MYOF: variants seen among roughly 807,000 people sequenced by gnomAD.
MYOF encodes fer-1-like 3, myoferlin.
Under a neutral mutation model 284.2 loss-of-function variants are expected in MYOF, and 244 were observed. The ratio of observed to expected loss-of-function variants is 0.86; its 90% confidence interval spans 0.77 to 0.95. The LOEUF is 0.95. MYOF is among the 40% of genes least tolerant of loss of function. The probability of loss-of-function intolerance (pLI) is 0.00; values close to 1 mark genes in which losing one functional copy is unlikely to be tolerated. For synonymous variants in MYOF, 904 were observed against 919.7 expected (o/e 0.98, Z 0.31); for missense variants, 2,496 against 2,560.6 (o/e 0.97, Z 0.54).
At chr10:93,437,000 G>T (rs1008352904) in intron 3 of MYOF, among the ~76,000 whole-genome samples, 8 of 152,138 alleles carry the variant, frequency 5.3e-5, no homozygotes, top group African/African-American at 1.9e-4. Flanking sequence ...GAATCTCGAC[G>T]TCCTCTGGCC....
intron 3 of MYOF, among the ~76,000 whole-genome samples, chr10:93,448,220 A>G (rs61867765): frequency 0.19 from 28,611 of 147,658 alleles, 3,112 homozygotes; most frequent in Middle Eastern, 0.27. Flanking sequence ...TAACCCCCCA[A>G]TGAACTGCAT....
intron 3 of MYOF, among the ~76,000 whole-genome samples, chr10:93,443,450 T>TTCTC (rs146232847): frequency 6.8e-4 from 98 of 143,650 alleles, no homozygotes; most frequent in East Asian, 3.6e-3. Context: ...CTCCTCTTTC[T>TTCTC]TCTCTCTCTC....
chr10:93,318,109 C>G (rs1165371579), intron 49 of MYOF, among the ~76,000 whole-genome samples: 1 of 152,104 alleles, frequency 6.6e-6, no homozygotes, highest in East Asian at 1.9e-4. Flanking sequence ...GATGCCACAC[C>G]ATCTGAAAGT....
At chr10:93,383,443 C>A (rs11187405) in intron 19 of MYOF, among the ~76,000 whole-genome samples, 5 of 152,246 alleles carry the variant, frequency 3.3e-5, no homozygotes, top group East Asian at 3.9e-4. Flanking sequence ...CCTGAGGAAG[C>A]TTTGACGGGA....
chr10:93,340,810 T>C (rs1393005224), intron 38 of MYOF, among the ~76,000 whole-genome samples: 1 of 152,032 alleles, frequency 6.6e-6, no homozygotes, highest in Non-Finnish European at 1.5e-5. Context: ...ATCCAGGAGA[T>C]GAGAGAATGA....
chr10:93,427,807 T>C (rs1848665000), intron 4 of MYOF, among the ~76,000 whole-genome samples: 1 of 152,016 alleles, frequency 6.6e-6, no homozygotes, highest in Non-Finnish European at 1.5e-5. Context: ...TTCCTACTTA[T>C]AAGAGCTGAG....
At chr10:93,444,359 G>C (rs753177541) in intron 3 of MYOF, among the ~76,000 whole-genome samples, 1 of 152,216 alleles carries the variant, frequency 6.6e-6, no homozygotes, top group Non-Finnish European at 1.5e-5. Flanking sequence ...ATCCAGTAGA[G>C]AGAGAACAAA....
chr10:93,455,620 A>ACGCCAC (rs2056727081), intron 2 of MYOF, among the ~76,000 whole-genome samples: 1 of 152,112 alleles, frequency 6.6e-6, no homozygotes, highest in African/African-American at 2.4e-5. Context: ...AATCTTAATC[A>ACGCCAC]CGCCACCGCA....
chr10:93,347,590 A>ATGGG (rs1844278837), intron 37 of MYOF, 27 bp downstream of exon 37: 1 of 1,483,368 alleles, frequency 6.7e-7, no homozygotes, highest in Non-Finnish European at 9.0e-7. Context: ...AAAAGCCCCC[A>ATGGG]GACTTATGCA....
rs369287190 is a variant in MYOF, at chr10:93,423,658, C to G, written c.433+2413G>C. ...ACCATCCTGGCTAACACGGTGAAAC[C>G]CTGTCTCTTCTAAAAATACAAAAAA... On this transcript the variant is annotated intron_variant, in intron 5 of 53. Transcript: ENST00000359263. 1.8e-3 allele frequency among the ~76,000 whole-genome samples: 265 copies of G among 151,036 alleles called. 3 individuals carry two copies. The highest frequency in any genetic ancestry group is 6.2e-3 in the African/African-American group (255 of 41,246).
intron 21 of MYOF, among the ~76,000 whole-genome samples, chr10:93,378,735 A>C (rs1845977199): frequency 7.3e-6 from 1 of 137,318 alleles, no homozygotes; most frequent in Non-Finnish European, 1.6e-5. Flanking sequence ...TTATCTTTTT[A>C]GACAGAGTCT....
chr10:93,311,150 A>T (rs1378288312), intron 51 of MYOF, among the ~76,000 whole-genome samples: 1 of 152,130 alleles, frequency 6.6e-6, no homozygotes, highest in Admixed American at 6.5e-5. Context: ...TGAGTGAATG[A>T]ATGTTTTCTC....
intron 1 of MYOF, among the ~76,000 whole-genome samples, chr10:93,480,595 C>A (rs560899700): frequency 6.6e-6 from 1 of 151,496 alleles, no homozygotes; most frequent in Admixed American, 6.6e-5. Context: ...CCTGCCTCAG[C>A]CTCCCGAGTA....
In MYOF at chr10:93,437,401, G is replaced by T. The variant is rs141639763; in HGVS notation, c.237-5885C>A. 3.1e-3 allele frequency among the ~76,000 whole-genome samples: 478 copies of T among 152,148 alleles called. 3 individuals carry two copies. The highest frequency in any genetic ancestry group is 0.011 in the African/African-American group (460 of 41,514). On this transcript the variant is annotated intron_variant, in intron 3 of 53. Coordinates refer to ENST00000359263, the MANE Select transcript of MYOF (RefSeq NM_013451.4). The stretch of plus-strand genomic sequence containing the variant: ...CTCTGGAGTGAGTAAGGGCTTTGCC[G>T]GCTGACTCTTACTCAGGGGAGCTCA...
rs1178976371 is a variant in MYOF, at chr10:93,377,233, C to T, written c.2108+90G>A. ...TTCAAAATCACTTCTTAGACAAACACTAGAAACAATTCCACAGGATTTACA... is the reference window on the plus strand; with the variant it reads ...TTCAAAATCACTTCTTAGACAAACATTAGAAACAATTCCACAGGATTTACA... On this transcript the variant is annotated intron_variant, in intron 22 of 53. Transcript: ENST00000359263. The T allele has an allele frequency of 4.1e-6, 4 of 966,700 alleles. No individual in the cohort carries two copies. In the African/African-American group the frequency reaches 6.5e-5, roughly 16 times the overall value. 59.9% of individuals were successfully genotyped at this position (966,700 alleles called of 1,614,324 possible).
intron 26 of MYOF, among the ~76,000 whole-genome samples, chr10:93,364,884 A>G (rs1446179042): frequency 6.6e-6 from 1 of 152,184 alleles, no homozygotes; most frequent in Non-Finnish European, 1.5e-5. Flanking sequence ...AATCACTTAT[A>G]TGAATTGGGC....
At chr10:93,442,405 G>T (rs563184027) in intron 3 of MYOF, among the ~76,000 whole-genome samples, 1 of 152,220 alleles carries the variant, frequency 6.6e-6, no homozygotes, top group East Asian at 1.9e-4. Flanking sequence ...CCATTATAAA[G>T]ATTAAGAAAT....
At chr10:93,424,916 G>T (rs368277249) in intron 5 of MYOF, among the ~76,000 whole-genome samples, 8 of 150,130 alleles carry the variant, frequency 5.3e-5, no homozygotes, top group African/African-American at 1.7e-4. Context: ...TTCCTCCCAG[G>T]AGGGAGAATT....
At chr10:93,341,828 G>A in intron 38 of MYOF, 1 of 904,552 alleles carries the variant, frequency 1.1e-6, no homozygotes, top group Non-Finnish European at 1.5e-6. Flanking sequence ...ATCTACTAAT[G>A]GAAAGAGTTG....
Sources: gnomAD v4.1 joint callset for allele counts (sites outside exome capture counted in the v4.1 genomes callset) on GRCh38, gnomAD v4.1.1 for gene constraint, MANE v1.5 for transcripts, NCBI Gene and HGNC (gene_info 2026-07-23, HGNC 2026-07-21) for gene names.